Variants in B4GALNT4 observed in about 807,000 individuals in gnomAD.
The protein encoded by B4GALNT4 is N-acetyl-beta-glucosaminyl-glycoprotein 4-beta-N-acetylgalactosaminyltransferase 1.
A neutral mutation model predicts 110.0 loss-of-function variants in B4GALNT4; 77 were observed. The observed-to-expected ratio is 0.70, with a 90% CI of 0.58 to 0.85. The LOEUF (loss-of-function observed/expected upper bound fraction) is 0.85, where lower values mean the gene tolerates loss of function less well. Ranked by LOEUF, B4GALNT4 falls within the 40% of genes least tolerant of loss-of-function variation. The probability of loss-of-function intolerance (pLI) is 0.00; values close to 1 mark genes in which losing one functional copy is unlikely to be tolerated. For synonymous variants in B4GALNT4, 785 were observed against 655.5 expected (o/e 1.20, Z -3.02); for missense variants, 1,575 against 1,506.0 (o/e 1.05, Z -0.76).
At chr11:375,602 G>T in intron 9 of B4GALNT4, 37 bp from the exon 10 acceptor site, 1 of 1,599,378 alleles carries the variant, frequency 6.3e-7, no homozygotes, top group South Asian at 1.1e-5. Context: ...AGTGGAGGAG[G>T]GGGTCTGAGC....
intron 18 of B4GALNT4, 161 bp from the exon 19 acceptor site, chr11:380,664 G>A (rs1451005924): frequency 1.5e-6 from 2 of 1,333,606 alleles, no homozygotes; most frequent in Non-Finnish European, 2.1e-6. Flanking sequence ...TATGCACCGC[G>A]CTCCAGGGTC....
intron 8 of B4GALNT4, among the ~76,000 whole-genome samples, chr11:374,170 G>C (rs1403453081): frequency 6.6e-6 from 1 of 152,120 alleles, no homozygotes; most frequent in African/African-American, 2.4e-5. Flanking sequence ...GAGGGGTCTG[G>C]TGGCCAGATC....
intron 8 of B4GALNT4, among the ~76,000 whole-genome samples, chr11:374,142 C>A (rs142792719): frequency 6.6e-6 from 1 of 152,068 alleles, no homozygotes; most frequent in East Asian, 1.9e-4. Flanking sequence ...AGCAGAGGAA[C>A]CGGGTCTTCG....
rs374254969 is a variant in B4GALNT4 at position 373,557 on chromosome 11, C to A, written c.704+41C>A. The A allele has an allele frequency of 3.8e-6, 6 of 1,597,726 alleles. No homozygotes were observed. In the South Asian group the frequency reaches 6.6e-5, roughly 18 times the overall value. On this transcript the variant is annotated intron_variant, in intron 7 of 19. Coordinates refer to ENST00000329962, the MANE Select transcript of B4GALNT4 (RefSeq NM_178537.5). ...GTGCATGTGCGTGCACTTGTGTATT[C>A]GTGGGAGGGGGTTACGCGCTGTCTC...
At chr11:372,499 T>C (rs942319090) in intron 2 of B4GALNT4, among the ~76,000 whole-genome samples, 163 bp from the exon 3 acceptor site, 4 of 151,900 alleles carry the variant, frequency 2.6e-5, no homozygotes, top group African/African-American at 7.3e-5. Flanking sequence ...TCTGAGTGTA[T>C]GTGCCAGGTG....
chr11:373,160 C>T (rs1846651089), intron 5 of B4GALNT4, 31 bp from the exon 6 acceptor site: 5 of 1,612,194 alleles, frequency 3.1e-6, no homozygotes, highest in South Asian at 1.1e-5. Context: ...CCGTGAGGCT[C>T]CACCCCCCTG....
intron 1 of B4GALNT4, among the ~76,000 whole-genome samples, chr11:370,409 G>A (rs1007389640): frequency 6.6e-6 from 1 of 151,908 alleles, no homozygotes; most frequent in African/African-American, 2.4e-5. Flanking sequence ...CCGGGCCGGG[G>A]CTTGCTGAAG....
At chr11:374,211 T>A (rs1590336597) in intron 8 of B4GALNT4, among the ~76,000 whole-genome samples, 1 of 152,016 alleles carries the variant, frequency 6.6e-6, no homozygotes. Flanking sequence ...TCTGGACAGA[T>A]AGGCCTTTGT....
chr11:379,727 C>T (rs779091123), intron 15 of B4GALNT4, 26 bp downstream of exon 15: 9 of 1,501,144 alleles, frequency 6.0e-6, no homozygotes, highest in Admixed American at 2.3e-5. Flanking sequence ...TCGGGGTGTC[C>T]GGGAGACCTC....
rs540174071 is a variant in B4GALNT4 at position 372,543 on chromosome 11, G to C, written c.256-119G>C. 16 of 899,836 alleles carry C rather than the reference G, an allele frequency of 1.8e-5. No homozygotes were observed. The South Asian group carries it at 2.1e-4, about 12-fold the overall frequency. The allele number at this position is 899,836 out of a possible 1,614,324, so 55.7% of individuals were successfully genotyped here. A position where few individuals can be genotyped will look rare whatever the true frequency, so the allele number is the denominator to read the frequency against. ...CAGGGTTTGCATGGCTGGGGCTCAC[G>C]GGCATTTAGGGCTGTGTGGATACAT... On this transcript the variant is annotated intron_variant, in intron 2 of 19. Coordinates refer to ENST00000329962, the MANE Select transcript of B4GALNT4 (RefSeq NM_178537.5).
chr11:381,702 C>G lies in B4GALNT4; in HGVS notation c.3030C>G (p.Leu1010=), dbSNP rs778539980. ...AGGCAGGGCTGGAGGTGGAGCGGCTCCGACTGCGGAATTTCTATCACCACT... is the reference window on the plus strand; with the variant it reads ...AGGCAGGGCTGGAGGTGGAGCGGCTGCGACTGCGGAATTTCTATCACCACT... ...VLQAGLEVER[L]RLRNFYHHYH... The change falls in exon 20 of 20, where the codon CTC becomes CTG. Residue 1010 remains leucine (L), a synonymous_variant. Transcript: ENST00000329962. The G allele has an allele frequency of 6.3e-7, 1 of 1,593,556 alleles. No individual in the cohort carries two copies. The highest frequency in any genetic ancestry group is 1.1e-5 in the South Asian group (1 of 89,644).
Position 369,897 on chromosome 11 carries a change from C to T in B4GALNT4, c.94C>T (p.His32Tyr). Reference protein sequence around the residue: ...LSCAAWLTYVHLGLVRQGRAL... With the variant: ...LSCAAWLTYVYLGLVRQGRAL... Reference sequence around the variant, plus strand: ...CTGCGCCGCGTGGCTCACCTACGTGCACCTGGGCCTGGTGCGCCAGGGACG... The same window carrying T: ...CTGCGCCGCGTGGCTCACCTACGTGTACCTGGGCCTGGTGCGCCAGGGACG... Residue 32 changes from histidine (H) to tyrosine (Y), a missense_variant, in exon 1 of 20, where the codon CAC becomes TAC. By Grantham distance (83) the His-to-Tyr change is moderately conservative. Transcript: ENST00000329962. The T allele has an allele frequency of 1.0e-6, 1 of 988,952 alleles. No individual in the cohort carries two copies. The highest frequency in any genetic ancestry group is 1.8e-5 in the African/African-American group (1 of 56,556). 61.3% of individuals were successfully genotyped at this position (988,952 alleles called of 1,614,324 possible). A position where few individuals can be genotyped will look rare whatever the true frequency, so the allele number is the denominator to read the frequency against.
In B4GALNT4 at chr11:381,770, G is replaced by T; in HGVS notation, c.3098G>T (p.Gly1033Val). Residue 1033 changes from glycine (G) to valine (V), a missense_variant, in exon 20 of 20, where the codon GGC becomes GTC. Coordinates refer to ENST00000329962, the MANE Select transcript of B4GALNT4 (RefSeq NM_178537.5). ...ATGTGGAGCGTCCGCAGCAGGAAGG[G>T]CTCTCGCACGGGGGCGTCTTGAGGA... Reference protein sequence around the residue: ...RGMWSVRSRKGSRTGAS With the variant: ...RGMWSVRSRKVSRTGAS 1 of 1,582,652 alleles carries T rather than the reference G, an allele frequency of 6.3e-7. No homozygotes were observed. Among genetic ancestry groups the T allele is most frequent in the Non-Finnish European group, 8.6e-7 (1 of 1,168,280 alleles).
intron 14 of B4GALNT4, among the ~76,000 whole-genome samples, chr11:379,174 C>G (rs375449910): frequency 6.6e-6 from 1 of 152,210 alleles, no homozygotes; most frequent in Non-Finnish European, 1.5e-5. Context: ...CCAGGAGGCC[C>G]GCGAGGAGGT....
chr11:376,440 C>A lies in B4GALNT4; in HGVS notation c.1317C>A (p.Asp439Glu). ...CCGCAGACTTCCTGGACGACGAGGA[C>A]GAGGGGGAGCTGCTCGACAGCCTGG... ...LNPDDFLDDEDEGELLDSLEP... is the reference protein window; with the variant it reads ...LNPDDFLDDEEEGELLDSLEP... The change falls in exon 14 of 20, where the codon GAC (aspartate) becomes GAA (glutamate). Residue 439 changes from aspartate to glutamate, a missense_variant. Transcript: ENST00000329962. 9.4e-6 allele frequency: 15 copies of A among 1,596,728 alleles called. No individual in the cohort carries two copies. The highest frequency in any genetic ancestry group is 1.3e-5 in the Non-Finnish European group (15 of 1,178,444).
In B4GALNT4 at chr11:372,153, G is replaced by T; in HGVS notation, c.196G>T (p.Ala66Ser). Residue 66 changes from alanine to serine, a missense_variant, in exon 2 of 20, where the codon GCT becomes TCT. Transcript: ENST00000329962. Reference sequence around the variant, plus strand: ...TGAGACCGACGGCCGGGGGGTCCACGCTGCGCCATCCACACAGAGGGCTGA... The same window carrying T: ...TGAGACCGACGGCCGGGGGGTCCACTCTGCGCCATCCACACAGAGGGCTGA... ...TSETDGRGVHAAPSTQRAEDS... is the reference protein window; with the variant it reads ...TSETDGRGVHSAPSTQRAEDS... The T allele has an allele frequency of 6.5e-7, 1 of 1,549,948 alleles. No individual in the cohort carries two copies. Among genetic ancestry groups the T allele is most frequent in the East Asian group, 2.4e-5 (1 of 40,918 alleles).
Position 373,431 on chromosome 11 carries a change from T to G in B4GALNT4, c.637-18T>G. ...GAACCCCCCCCCCCACCACCACCCC[T>G]GCTCTATCACCCCCCAGACTGGCTC... On this transcript the variant is annotated intron_variant, in intron 6 of 19. Transcript: ENST00000329962. The G allele has an allele frequency of 6.5e-5, 47 of 728,556 alleles. No homozygotes were observed. The highest frequency in any genetic ancestry group is 9.1e-5 in the Non-Finnish European group (43 of 470,298). The allele number at this position is 728,556 out of a possible 1,614,324, so 45.1% of individuals were successfully genotyped here. A position where few individuals can be genotyped will look rare whatever the true frequency, so the allele number is the denominator to read the frequency against.
At position 376,447 on chromosome 11, in the gene B4GALNT4, G is replaced by C. The variant is rs1168928815; in HGVS notation, c.1324G>C (p.Glu442Gln). The C allele has an allele frequency of 6.3e-7, 1 of 1,596,148 alleles. No homozygotes were observed. The highest frequency in any genetic ancestry group is 8.5e-7 in the Non-Finnish European group (1 of 1,178,386). Residue 442 changes from glutamate to glutamine, a missense_variant, in exon 14 of 20, where the codon GAG (glutamate) becomes CAG (glutamine). Glu to Gln is a conservative substitution (Grantham distance 29). Transcript: ENST00000329962. ...CTTCCTGGACGACGAGGACGAGGGG[G>C]AGCTGCTCGACAGCCTGGAGCCCAC... Reference protein sequence around the residue: ...DDFLDDEDEGELLDSLEPTEA... With the variant: ...DDFLDDEDEGQLLDSLEPTEA...
Position 376,823 on chromosome 11 carries a change from C to A in B4GALNT4, c.1700C>A (p.Ala567Glu). Residue 567 changes from alanine to glutamate, a missense_variant, in exon 14 of 20, where the codon GCG (alanine) becomes GAG (glutamate). Transcript: ENST00000329962. ...PRPLPRVQLR[A>E]PPRPPRPHGR... ...CCTCTGCCCAGAGTGCAGCTGCGGGCGCCCCCACGCCCACCCCGGCCCCAC... is the reference window on the plus strand; with the variant it reads ...CCTCTGCCCAGAGTGCAGCTGCGGGAGCCCCCACGCCCACCCCGGCCCCAC... 7.4e-7 allele frequency: 1 copy of A among 1,343,178 alleles called. No homozygotes were observed. 83.2% of individuals were successfully genotyped at this position (1,343,178 alleles called of 1,614,324 possible).
Sources: allele counts gnomAD v4.1 joint callset (sites outside exome capture counted in the v4.1 genomes callset), GRCh38; gene constraint gnomAD v4.1.1; transcripts MANE v1.5; gene names NCBI Gene and HGNC (gene_info 2026-07-23, HGNC 2026-07-21).